Variants in SAMD8 observed in about 807,000 individuals in gnomAD.
SAMD8 encodes sphingomyelin synthase-related protein 1.
A neutral mutation model predicts 42.0 loss-of-function variants in SAMD8; 20 were observed. That is an observed-to-expected ratio of 0.48 (90% CI 0.34 to 0.69). The LOEUF (loss-of-function observed/expected upper bound fraction) is 0.69. SAMD8 is among the 30% of genes least tolerant of loss of function. The probability of loss-of-function intolerance (pLI) is 0.01; values close to 1 mark genes in which losing one functional copy is unlikely to be tolerated. For synonymous variants in SAMD8, 162 were observed against 173.0 expected (o/e 0.94, Z 0.50); for missense variants, 328 against 511.6 (o/e 0.64, Z 3.46).
At chr10:75,153,290 G>T (rs544205036) in intron 2 of SAMD8, among the ~76,000 whole-genome samples, 1 of 151,840 alleles carries the variant, frequency 6.6e-6, no homozygotes, top group African/African-American at 2.4e-5. Context: ...CCCCTTGTTT[G>T]TTTTTTATAA....
rs190433813 is a variant in SAMD8, at chr10:75,113,996, T to A, written c.-16+2274T>A. Reference sequence around the variant, plus strand: ...CATATTAGCATGTCTAATAGTTTTTTAATTTTTGTTTCCCTTTGTCAGTTC... The same window carrying A: ...CATATTAGCATGTCTAATAGTTTTTAAATTTTTGTTTCCCTTTGTCAGTTC... On this transcript the variant is annotated intron_variant, in intron 1 of 5. Coordinates refer to ENST00000542569, the MANE Select transcript of SAMD8 (RefSeq NM_001174156.2). Among the ~76,000 whole-genome samples the A allele has an allele frequency of 4.1e-4, 62 of 152,328 alleles. 2 individuals are homozygous for A. In the East Asian group the frequency reaches 0.01, roughly 25 times the overall value.
At chr10:75,168,771 A>G (rs562868963) in intron 4 of SAMD8, 113 bp downstream of exon 4, 16 of 660,104 alleles carry the variant, frequency 2.4e-5, no homozygotes, top group Non-Finnish European at 3.8e-5. Context: ...AGTATCTGCA[A>G]TGTCTATAAA....
chr10:75,174,819 GC>G (rs150433708), intron 4 of SAMD8, among the ~76,000 whole-genome samples: 28,641 of 151,814 alleles, frequency 0.19, 2,945 homozygotes, highest in East Asian at 0.26. Context: ...GCTTTTTTAG[GC>G]GTATGTGTGG....
At chr10:75,141,612 G>T (rs909429694) in intron 1 of SAMD8, among the ~76,000 whole-genome samples, 1 of 146,312 alleles carries the variant, frequency 6.8e-6, no homozygotes. Flanking sequence ...TGCGATCTCC[G>T]CTCACTGCAA....
intron 1 of SAMD8, among the ~76,000 whole-genome samples, chr10:75,122,508 G>A (rs1430899862): frequency 6.6e-6 from 1 of 151,902 alleles, no homozygotes; most frequent in African/African-American, 2.4e-5. Flanking sequence ...AGCTACTTGG[G>A]AGGCTGAGGC....
intron 1 of SAMD8, among the ~76,000 whole-genome samples, chr10:75,149,693 G>A (rs1840236036): frequency 6.6e-6 from 1 of 151,990 alleles, no homozygotes. Flanking sequence ...CCATGAACAT[G>A]GAGATTTCAG....
In SAMD8 at chr10:75,111,776, A is replaced by C. The variant is rs1182494181; in HGVS notation, c.-16+54A>C. ...GGAGCTTGGGGGGCGCCTGCTGCCA[A>C]GGGTGAGTGGGGAGTCTGGGATGGA... On this transcript the variant is annotated intron_variant, in intron 1 of 5. Transcript: ENST00000542569. 7 of 1,232,126 alleles carry C rather than the reference A, an allele frequency of 5.7e-6. No individual in the cohort carries two copies. The South Asian group carries it at 1.6e-4, about 29-fold the overall frequency. The allele number at this position is 1,232,126 out of a possible 1,614,324, so 76.3% of individuals were successfully genotyped here. A position where few individuals can be genotyped will look rare whatever the true frequency, so the allele number is the denominator to read the frequency against.
chr10:75,176,578 A>C lies in SAMD8; in HGVS notation c.1134A>C (p.Ala378=), dbSNP rs1432977987. The change falls in exon 6 of 6, where the codon GCA becomes GCC. Residue 378 remains alanine, a synonymous_variant. Transcript: ENST00000542569. This position sits in a 1 kb window ranked among gnomAD's most constrained non-coding sequence, Gnocchi z 4.3. ...GAGCATATCAGCAGAGTAGGAGAGC[A>C]AGGATTTGGTTTCCCATGTTCTCTT... ...NTRAYQQSRR[A]RIWFPMFSFF... is the part of the protein sequence containing the mutation. The C allele has an allele frequency of 9.7e-6, 15 of 1,550,502 alleles. No homozygotes were observed. The highest frequency in any genetic ancestry group is 1.3e-5 in the Non-Finnish European group (15 of 1,146,996).
intron 1 of SAMD8, among the ~76,000 whole-genome samples, chr10:75,129,661 A>G (rs955746191): frequency 6.6e-6 from 1 of 152,208 alleles, no homozygotes; most frequent in African/African-American, 2.4e-5. Flanking sequence ...GTTTGTTTAT[A>G]TAGCCTTAGA....
At chr10:75,101,775 C>G in intron 1 of SAMD8, 1 of 866,248 alleles carries the variant, frequency 1.2e-6, no homozygotes. Flanking sequence ...AACCCCACCC[C>G]TCCCCACACA....
chr10:75,134,947 G>C (rs943132204), intron 1 of SAMD8, among the ~76,000 whole-genome samples: 1 of 152,024 alleles, frequency 6.6e-6, no homozygotes, highest in Non-Finnish European at 1.5e-5. Context: ...TGTAGTCCCC[G>C]CTACTCAGGA....
chr10:75,107,810 C>T (rs972520070), upstream of SAMD8, among the ~76,000 whole-genome samples: 2 of 152,292 alleles, frequency 1.3e-5, no homozygotes, highest in Admixed American at 6.5e-5. Context: ...CTCCTGACCT[C>T]AGGCGATCCA....
At chr10:75,105,125 C>T (rs1250646320) in intron 1 of SAMD8, among the ~76,000 whole-genome samples, 1 of 152,110 alleles carries the variant, frequency 6.6e-6, no homozygotes, top group East Asian at 1.9e-4. Context: ...ACCGTGGAGG[C>T]CTGGCCTTAG....
upstream of SAMD8, chr10:75,111,387 G>C (rs1298009899): frequency 4.5e-6 from 3 of 669,902 alleles, no homozygotes; most frequent in Non-Finnish European, 6.3e-6. Context: ...GCAGCATCTC[G>C]GTTCTCCTCT....
At chr10:75,160,257 C>T (rs753653270) in intron 2 of SAMD8, among the ~76,000 whole-genome samples, 20 of 152,004 alleles carry the variant, frequency 1.3e-4, no homozygotes, top group Middle Eastern at 3.4e-3. Context: ...AGTGCAGTGG[C>T]GCGATCTCGG....
intron 4 of SAMD8, among the ~76,000 whole-genome samples, chr10:75,172,408 A>G (rs1252487504): frequency 6.6e-6 from 1 of 151,788 alleles, no homozygotes; most frequent in African/African-American, 2.4e-5. Flanking sequence ...ATCATAGCTC[A>G]CTGTCAGCCT....
chr10:75,164,489 A>AT (rs1403156644), intron 2 of SAMD8, 156 bp from the exon 3 acceptor site: 28 of 982,858 alleles, frequency 2.8e-5, no homozygotes, highest in South Asian at 2.8e-4. Context: ...TATGACACAG[A>AT]TTTTTTCTCC....
chr10:75,158,083 T>C (rs1426543509), intron 2 of SAMD8, among the ~76,000 whole-genome samples: 5 of 150,956 alleles, frequency 3.3e-5, no homozygotes, highest in Admixed American at 6.6e-5. Context: ...TGCTTGAACC[T>C]GAGAGGCGGA....
At chr10:75,160,795 CAG>C (rs1840540228) in intron 2 of SAMD8, among the ~76,000 whole-genome samples, 3 of 152,264 alleles carry the variant, frequency 2.0e-5, no homozygotes, top group African/African-American at 7.2e-5. Context: ...TCCCATAAAA[CAG>C]AAAGTACCAA....
Sources: allele counts gnomAD v4.1 joint callset (sites outside exome capture counted in the v4.1 genomes callset), GRCh38; gene constraint gnomAD v4.1.1; non-coding constraint Gnocchi (gnomAD v3.1); transcripts MANE v1.5; gene names NCBI Gene and HGNC (gene_info 2026-07-23, HGNC 2026-07-21).